NUBPL: variants seen among roughly 807,000 people sequenced by gnomAD.
The protein encoded by NUBPL is iron-sulfur cluster transfer protein NUBPL.
NUBPL carries 31 observed loss-of-function variants against 45.7 expected under a neutral mutation model. The observed-to-expected ratio is 0.68, with a 90% confidence interval of 0.51 to 0.92. The LOEUF (loss-of-function observed/expected upper bound fraction) is 0.92. Ranked by LOEUF, NUBPL falls within the 40% of genes least tolerant of loss-of-function variation. The pLI, the probability that NUBPL is intolerant of heterozygous loss-of-function variation, is 0.00. For missense variants in NUBPL, 401 were observed against 398.7 expected (o/e 1.01, Z -0.05); for synonymous variants, 144 against 140.9 (o/e 1.02, Z -0.15).
At chr14:31,722,482 G>A (rs1473355824) in intron 6 of NUBPL, among the ~76,000 whole-genome samples, 1 of 152,160 alleles carries the variant, frequency 6.6e-6, no homozygotes, top group African/African-American at 2.4e-5. Flanking sequence ...GGGTCAAATG[G>A]TGCTTCTGTG....
At chr14:31,734,278 A>T (rs138709266) in intron 6 of NUBPL, among the ~76,000 whole-genome samples, 1 of 152,192 alleles carries the variant, frequency 6.6e-6, no homozygotes, top group African/African-American at 2.4e-5. Flanking sequence ...CCTTTTAAGC[A>T]TGAGCACTTC....
chr14:31,855,288 T>C (rs573536285), intron 10 of NUBPL, among the ~76,000 whole-genome samples: 1 of 152,338 alleles, frequency 6.6e-6, no homozygotes, highest in South Asian at 2.1e-4. Context: ...TAAGTAGATG[T>C]TATTTCTATT....
intron 6 of NUBPL, among the ~76,000 whole-genome samples, chr14:31,773,096 A>C: frequency 6.6e-6 from 1 of 152,170 alleles, no homozygotes; most frequent in East Asian, 1.9e-4. Context: ...CATCAACTAA[A>C]GTAAAAATCT....
At chr14:31,830,205 G>A (rs1262820330) in intron 8 of NUBPL, among the ~76,000 whole-genome samples, 1 of 152,108 alleles carries the variant, frequency 6.6e-6, no homozygotes, top group Non-Finnish European at 1.5e-5. Flanking sequence ...CAACAAATGT[G>A]ATTAATTTAT....
intron 6 of NUBPL, among the ~76,000 whole-genome samples, chr14:31,733,862 G>A (rs192441336): frequency 2.0e-3 from 303 of 152,284 alleles, no homozygotes; most frequent in Non-Finnish European, 3.7e-3. Flanking sequence ...CTTAGGAAAA[G>A]CATTTAATGT....
chr14:31,775,481 G>A lies in NUBPL; in HGVS notation c.514-12299G>A, dbSNP rs2039082782. Reference sequence around the variant, plus strand: ...AAAGTGCCATATCTCACATTAGAGGGTAATAATGGTCATGTGTTACTATGT... The same window carrying A: ...AAAGTGCCATATCTCACATTAGAGGATAATAATGGTCATGTGTTACTATGT... On this transcript the variant is annotated intron_variant, in intron 6 of 10. Transcript: ENST00000281081. 2.6e-5 allele frequency among the ~76,000 whole-genome samples: 4 copies of A among 152,222 alleles called. No homozygotes were observed. The South Asian group carries it at 8.3e-4, about 32-fold the overall frequency.
chr14:31,573,310 T>G (rs1419757138), intron 3 of NUBPL, among the ~76,000 whole-genome samples: 1 of 152,160 alleles, frequency 6.6e-6, no homozygotes, highest in Non-Finnish European at 1.5e-5. Context: ...TTGGCCCTCT[T>G]CTCATTTTAT....
chr14:31,666,400 G>C (rs1377881091), intron 4 of NUBPL, among the ~76,000 whole-genome samples: 1 of 151,510 alleles, frequency 6.6e-6, no homozygotes, highest in Non-Finnish European at 1.5e-5. Context: ...GAGTAGCTGG[G>C]ACTGCAGGTA....
chr14:31,851,072 A>C (rs2040531120), intron 10 of NUBPL, among the ~76,000 whole-genome samples: 1 of 152,190 alleles, frequency 6.6e-6, no homozygotes, highest in African/African-American at 2.4e-5. Flanking sequence ...TAAGCATAAA[A>C]TATTTTAATC....
chr14:31,819,205 G>T (rs1270919184), intron 7 of NUBPL, among the ~76,000 whole-genome samples: 3 of 152,156 alleles, frequency 2.0e-5, no homozygotes, highest in Non-Finnish European at 4.4e-5. Context: ...ATAGTTAATA[G>T]AAAATTATAT....
chr14:31,611,678 G>C (rs1404240899), intron 4 of NUBPL, among the ~76,000 whole-genome samples: 1 of 152,138 alleles, frequency 6.6e-6, no homozygotes, highest in East Asian at 1.9e-4. Flanking sequence ...TTATGCTACA[G>C]AGCTGTAGTA....
At chr14:31,588,444 T>C (rs1595328514) in intron 3 of NUBPL, among the ~76,000 whole-genome samples, 2 of 152,014 alleles carry the variant, frequency 1.3e-5, no homozygotes. Context: ...AAAATGTCTT[T>C]ATTGTATTTT....
intron 6 of NUBPL, among the ~76,000 whole-genome samples, chr14:31,681,846 A>G (rs2139834947): frequency 6.6e-6 from 1 of 152,194 alleles, no homozygotes; most frequent in Non-Finnish European, 1.5e-5. Context: ...TAATAACTTA[A>G]TGGCATTGAT....
At chr14:31,620,837 G>T (rs190418079) in intron 4 of NUBPL, among the ~76,000 whole-genome samples, 1 of 152,206 alleles carries the variant, frequency 6.6e-6, no homozygotes, top group Non-Finnish European at 1.5e-5. Flanking sequence ...GCTCTCTTCA[G>T]AGCTGTTAGG....
intron 6 of NUBPL, among the ~76,000 whole-genome samples, chr14:31,698,340 C>T (rs1001216710): frequency 2.0e-5 from 3 of 151,168 alleles, no homozygotes; most frequent in Admixed American, 6.6e-5. Context: ...AGCGATTCTA[C>T]GTCATTCATT....
At chr14:31,856,567 A>G (rs2040623599) in intron 10 of NUBPL, among the ~76,000 whole-genome samples, 1 of 152,250 alleles carries the variant, frequency 6.6e-6, no homozygotes, top group Admixed American at 6.5e-5. Flanking sequence ...CCTTCCGCCT[A>G]TGAGCCTGTA....
At chr14:31,653,295 C>T (rs989531954) in intron 4 of NUBPL, among the ~76,000 whole-genome samples, 1 of 152,134 alleles carries the variant, frequency 6.6e-6, no homozygotes, top group African/African-American at 2.4e-5. Flanking sequence ...TGGGGTTTTT[C>T]CCCACTCTAG....
chr14:31,664,137 A>G (rs1274444070), intron 4 of NUBPL, among the ~76,000 whole-genome samples: 3 of 152,060 alleles, frequency 2.0e-5, no homozygotes, highest in Non-Finnish European at 4.4e-5. Context: ...GAGTTTTTGG[A>G]CTCAGACAAT....
chr14:31,836,940 A>G (rs961980428), intron 8 of NUBPL, among the ~76,000 whole-genome samples: 11 of 152,262 alleles, frequency 7.2e-5, no homozygotes, highest in Non-Finnish European at 1.5e-4. Flanking sequence ...AGAATGAGAT[A>G]ACCATAAAAG....
Sources: allele counts gnomAD v4.1 joint callset (sites outside exome capture counted in the v4.1 genomes callset), GRCh38; gene constraint gnomAD v4.1.1; transcripts MANE v1.5; gene names NCBI Gene and HGNC (gene_info 2026-07-23, HGNC 2026-07-21).